The following ADCY5 variants were observed in gnomAD, a reference collection of about 807,000 sequenced individuals.
The protein encoded by ADCY5 is adenylate cyclase type 5.
In ADCY5, 30 loss-of-function variants were observed where a neutral mutation model predicts 119.7. The observed-to-expected ratio is 0.25, with a 90% CI of 0.19 to 0.34. The LOEUF is 0.34. ADCY5 is among the 10% of genes least tolerant of loss of function. The probability of loss-of-function intolerance (pLI) is 1.00; values close to 1 mark genes in which losing one functional copy is unlikely to be tolerated. For synonymous variants in ADCY5, 753 were observed against 762.2 expected, an observed-to-expected ratio of 0.99 and a Z score of 0.20; for missense variants, 1,324 against 1,775.2, an observed-to-expected ratio of 0.75 and a Z score of 4.57.
chr3:123,386,708 C>T (rs1944237049), intron 1 of ADCY5, among the ~76,000 whole-genome samples: 1 of 152,084 alleles, frequency 6.6e-6, no homozygotes, highest in South Asian at 2.1e-4. Flanking sequence ...CAAGGACGTC[C>T]AGGAAACACC....
chr3:123,308,150 C>T (rs948333638), intron 12 of ADCY5, among the ~76,000 whole-genome samples: 2 of 149,878 alleles, frequency 1.3e-5, no homozygotes, highest in Middle Eastern at 3.3e-3. Flanking sequence ...TCTCCTGTCT[C>T]AGCCTCTAGA....
chr3:123,338,549 C>T (rs113461771), intron 3 of ADCY5, among the ~76,000 whole-genome samples: 3,653 of 152,338 alleles, frequency 0.024, 66 homozygotes, highest in Middle Eastern at 0.085. Flanking sequence ...CTGGCCCAGA[C>T]GTGCAGGAAG....
rs9834282 is a variant in ADCY5, at chr3:123,301,565, G to A, written c.2725-1270C>T. Among the ~76,000 whole-genome samples, 964 of 152,340 alleles carry A rather than the reference G, an allele frequency of 6.3e-3. 17 individuals are homozygous for A. Among genetic ancestry groups the A allele is most frequent in the African/African-American group, 0.021 (876 of 41,576 alleles). On this transcript the variant is annotated intron_variant, in intron 14 of 20. Transcript: ENST00000462833. ...CTGGGGACCCCCCAGGGTCTGGTCT[G>A]TGAGGAGTTGCTGAATCAGGAGCAA... is the stretch of plus-strand genomic sequence containing the variant.
intron 1 of ADCY5, among the ~76,000 whole-genome samples, chr3:123,373,892 G>A (rs1943731751): frequency 6.6e-6 from 1 of 151,290 alleles, no homozygotes; most frequent in Non-Finnish European, 1.5e-5. Context: ...TTTACCTTTT[G>A]GTTCCTATAA....
chr3:123,428,862 G>A (rs1241674255), intron 1 of ADCY5, among the ~76,000 whole-genome samples: 1 of 152,172 alleles, frequency 6.6e-6, no homozygotes, highest in Non-Finnish European at 1.5e-5. Flanking sequence ...AGTTCCTGGG[G>A]AATTCTTGCA....
chr3:123,419,871 A>G (rs1207861977), intron 1 of ADCY5, among the ~76,000 whole-genome samples: 1 of 150,756 alleles, frequency 6.6e-6, no homozygotes, highest in East Asian at 2.0e-4. Context: ...CTCACCTTGC[A>G]CTTCCCCCGT....
intron 1 of ADCY5, among the ~76,000 whole-genome samples, chr3:123,443,074 C>T (rs928315907): frequency 1.3e-5 from 2 of 152,158 alleles, no homozygotes; most frequent in African/African-American, 2.4e-5. Flanking sequence ...TGTCTTCCTC[C>T]ACTCTACCCA....
chr3:123,320,858 A>G (rs1025269957), intron 8 of ADCY5, 87 bp from the exon 9 acceptor site: 2 of 948,150 alleles, frequency 2.1e-6, no homozygotes, highest in Admixed American at 4.0e-5. Flanking sequence ...GCTGCAGCTC[A>G]TCTCTACAGT....
intron 1 of ADCY5, among the ~76,000 whole-genome samples, chr3:123,366,099 G>T (rs114557876): frequency 1.3e-5 from 2 of 152,002 alleles, no homozygotes; most frequent in Non-Finnish European, 2.9e-5. Flanking sequence ...TGGATATATT[G>T]GGTAAATAAA....
intron 17 of ADCY5, among the ~76,000 whole-genome samples, chr3:123,292,305 G>C (rs1485722288): frequency 6.6e-6 from 1 of 152,214 alleles, no homozygotes; most frequent in African/African-American, 2.4e-5. Flanking sequence ...GATGTCCATG[G>C]GGAAAGAGCT....
chr3:123,310,933 A>C (rs1940537725), intron 12 of ADCY5, among the ~76,000 whole-genome samples: 1 of 152,194 alleles, frequency 6.6e-6, no homozygotes, highest in Non-Finnish European at 1.5e-5. Context: ...AGGCCACCAG[A>C]GCACTTAGTA....
intron 12 of ADCY5, among the ~76,000 whole-genome samples, chr3:123,306,866 A>C (rs1940226626): frequency 6.6e-6 from 1 of 152,250 alleles, no homozygotes; most frequent in African/African-American, 2.4e-5. Context: ...TTGATGAATG[A>C]ATAAACAAAA....
At chr3:123,349,228 T>C (rs1559827507) in intron 2 of ADCY5, among the ~76,000 whole-genome samples, 2 of 152,208 alleles carry the variant, frequency 1.3e-5, no homozygotes, top group Non-Finnish European at 2.9e-5. Flanking sequence ...TTCCCTGCCT[T>C]TGCCTGGGAC....
At chr3:123,403,319 G>A (rs1309510691) in intron 1 of ADCY5, among the ~76,000 whole-genome samples, 1 of 149,160 alleles carries the variant, frequency 6.7e-6, no homozygotes, top group Non-Finnish European at 1.5e-5. Flanking sequence ...TGAGGCTGCA[G>A]TGAGCCATGA....
At chr3:123,401,061 T>TAC (rs3083332) in intron 1 of ADCY5, among the ~76,000 whole-genome samples, 1 of 540 alleles carries the variant, frequency 1.9e-3, no homozygotes, top group Non-Finnish European at 0.045. Context: ...GACACACATG[T>TAC]ATGTCCACAA....
chr3:123,358,299 C>T (rs1173815440), intron 1 of ADCY5, among the ~76,000 whole-genome samples: 2 of 152,124 alleles, frequency 1.3e-5, no homozygotes, highest in East Asian at 3.9e-4. Flanking sequence ...CTGGAGTAGC[C>T]TCAGCATCTG....
At chr3:123,368,512 G>A (rs1943530669) in intron 1 of ADCY5, among the ~76,000 whole-genome samples, 1 of 152,216 alleles carries the variant, frequency 6.6e-6, no homozygotes, top group Non-Finnish European at 1.5e-5. Flanking sequence ...CAGGAGAATT[G>A]CTTGAACCCA....
In ADCY5 at chr3:123,448,518, G is replaced by A. The variant is rs1426562302; in HGVS notation, c.28C>T (p.Pro10Ser). The change falls in exon 1 of 21, where the codon CCG (proline) becomes TCG (serine). Residue 10 changes from proline (P) to serine (S), a missense_variant. Physicochemically the swap from Pro to Ser is moderately conservative, Grantham distance 74. Coordinates refer to ENST00000462833, the MANE Select transcript of ADCY5 (RefSeq NM_183357.3). The part of the protein sequence containing the change: MSGSKSVSP[P>S]GYAAQKTAAP... Reference sequence around the variant, plus strand: ...GCAGTCTTCTGCGCCGCGTAGCCCGGGGGGCTCACGCTTTTGGAGCCGGAC... The same window carrying A: ...GCAGTCTTCTGCGCCGCGTAGCCCGAGGGGCTCACGCTTTTGGAGCCGGAC... 31 of 1,264,974 alleles carry A rather than the reference G, an allele frequency of 2.5e-5. No homozygotes were observed. The highest frequency in any genetic ancestry group is 3.0e-5 in the Non-Finnish European group (30 of 1,006,576). 78.4% of individuals were successfully genotyped at this position (1,264,974 alleles called of 1,614,324 possible).
intron 1 of ADCY5, among the ~76,000 whole-genome samples, chr3:123,446,430 A>G (rs1264906849): frequency 1.3e-5 from 2 of 152,192 alleles, no homozygotes; most frequent in Non-Finnish European, 2.9e-5. Flanking sequence ...GTGGACTCTC[A>G]CAGTGGAGCA....
Sources: allele counts gnomAD v4.1 joint callset (sites outside exome capture counted in the v4.1 genomes callset), GRCh38; gene constraint gnomAD v4.1.1; transcripts MANE v1.5; gene names NCBI Gene and HGNC (gene_info 2026-07-23, HGNC 2026-07-21).